The following NINL variants were observed in gnomAD, a reference collection of about 807,000 sequenced individuals.
NINL encodes the protein ninein like, also known as ninein-like protein.
A neutral mutation model predicts 160.3 loss-of-function variants in NINL; 153 were observed. The observed-to-expected ratio is 0.95, with a 90% CI of 0.84 to 1.09. The LOEUF is 1.09. NINL is among the 50% of genes least tolerant of loss of function. NINL has a pLI of 0.00. For synonymous variants in NINL, 800 were observed against 734.8 expected (o/e 1.09, Z -1.43); for missense variants, 1,829 against 1,764.0 (o/e 1.04, Z -0.66).
intron 13 of NINL, among the ~76,000 whole-genome samples, chr20:25,483,934 A>C (rs2063452363): frequency 6.6e-6 from 1 of 152,160 alleles, no homozygotes; most frequent in Admixed American, 6.5e-5. Flanking sequence ...GCTTCGACCT[A>C]GGAGACAGCA....
At chr20:25,462,327 T>G (rs2062809168) in intron 20 of NINL, 56 bp downstream of exon 20, 4 of 1,476,038 alleles carry the variant, frequency 2.7e-6, no homozygotes, top group Non-Finnish European at 3.7e-6. Flanking sequence ...TGCAGCCGCC[T>G]CCCCACCCTG....
intron 13 of NINL, among the ~76,000 whole-genome samples, chr20:25,487,746 T>C (rs1005004222): frequency 1.3e-5 from 2 of 152,246 alleles, no homozygotes; most frequent in African/African-American, 4.8e-5. Context: ...TCGACCCAAC[T>C]CAACTCTAGT....
intron 1 of NINL, among the ~76,000 whole-genome samples, chr20:25,561,016 G>GTCTCCC (rs1273680921): frequency 7.7e-6 from 1 of 129,996 alleles, no homozygotes; most frequent in African/African-American, 2.9e-5. Context: ...TCTTTCCACG[G>GTCTCCC]TCTCCCTCTC....
intron 13 of NINL, among the ~76,000 whole-genome samples, chr20:25,488,471 G>A (rs1284313786): frequency 1.3e-5 from 2 of 151,936 alleles, no homozygotes; most frequent in Non-Finnish European, 2.9e-5. Flanking sequence ...TGATCCACCC[G>A]CCTCGGCCTC....
chr20:25,507,329 C>T (rs1232300410), intron 5 of NINL, among the ~76,000 whole-genome samples: 4 of 152,074 alleles, frequency 2.6e-5, no homozygotes, highest in African/African-American at 9.7e-5. Context: ...GACTCATCAG[C>T]GGGCTCAGGT....
intron 3 of NINL, among the ~76,000 whole-genome samples, chr20:25,517,546 A>G (rs2064183092): frequency 6.6e-6 from 1 of 152,242 alleles, no homozygotes; most frequent in Non-Finnish European, 1.5e-5. Flanking sequence ...TGGCGGGCAC[A>G]GTGCACGTTA....
intron 1 of NINL, among the ~76,000 whole-genome samples, chr20:25,572,346 G>A (rs1036749750): frequency 1.3e-5 from 2 of 151,958 alleles, no homozygotes; most frequent in Non-Finnish European, 2.9e-5. Context: ...GCAGTGCTGG[G>A]GCCCACTCTC....
At position 25,526,459 on chromosome 20, in the gene NINL, C is replaced by G; in HGVS notation, c.129G>C (p.Gln43His). The G allele has an allele frequency of 6.2e-7, 1 of 1,614,098 alleles. No homozygotes were observed. The highest frequency in any genetic ancestry group is 8.5e-7 in the Non-Finnish European group (1 of 1,179,944). ...GCGTCTGCAGGAGGACGGGCAGCTG[C>G]TGCTCCAGGTGAAGCTTAAGGCAGA... is the stretch of plus-strand genomic sequence containing the variant. ...TQLCLKLHLE[Q>H]QLPVLLQTLL... Residue 43 changes from glutamine (Q) to histidine (H), a missense_variant, in exon 2 of 24, where the codon CAG (glutamine) becomes CAC (histidine). Gln to His is a conservative substitution (Grantham distance 24). Coordinates refer to ENST00000278886, the MANE Select transcript of NINL (RefSeq NM_025176.6).
Position 25,553,104 on chromosome 20 carries a change from G to GTTTTTTTTTTT in NINL, c.-11-26517_-11-26507dup, listed in dbSNP as rs3036846. Among the ~76,000 whole-genome samples the GTTTTTTTTTTT allele has an allele frequency of 8.2e-4, 82 of 100,102 alleles. 5 individuals carry two copies. Among genetic ancestry groups the GTTTTTTTTTTT allele is most frequent in the Non-Finnish European group, 1.2e-3 (65 of 53,404 alleles). The allele number at this position is 100,102 out of a possible 152,430, so 65.7% of individuals were successfully genotyped here. On this transcript the variant is annotated intron_variant, in intron 1 of 23. Coordinates refer to ENST00000278886, the MANE Select transcript of NINL (RefSeq NM_025176.6). ...GGAAGTTACTTCTCACCCTTGTTGG[G>GTTTTTTTTTTT]TTTTTTTTTTTTTTTTTGGAGATGG...
chr20:25,458,504 C>T lies in NINL; in HGVS notation c.3722G>A (p.Arg1241Lys). The change falls in exon 22 of 24, where the codon AGG becomes AAG. Residue 1241 changes from arginine (R) to lysine (K), a missense_variant. Transcript: ENST00000278886. The stretch of plus-strand genomic sequence containing the variant: ...CTGCAAGTGCTGGGCCTGGGCCTGC[C>T]TCAGCCTCAGGTGAGCTCCCTGCAC... ...DQVQGAHLRL[R>K]QAQAQHLQEV... 3 of 1,599,922 alleles carry T rather than the reference C, an allele frequency of 1.9e-6. No individual in the cohort carries two copies. Among genetic ancestry groups the T allele is most frequent in the Non-Finnish European group, 2.5e-6 (3 of 1,179,310 alleles).
intron 1 of NINL, among the ~76,000 whole-genome samples, chr20:25,557,452 AC>A (rs1454790881): frequency 6.6e-6 from 1 of 151,750 alleles, no homozygotes; most frequent in East Asian, 1.9e-4. Flanking sequence ...AATTTCTTGA[AC>A]CCAGGAGGCG....
intron 10 of NINL, among the ~76,000 whole-genome samples, chr20:25,496,451 G>T (rs2063754202): frequency 2.0e-5 from 3 of 152,236 alleles, no homozygotes; most frequent in African/African-American, 7.2e-5. Flanking sequence ...ACGTAGCCAG[G>T]GCCAGGCACT....
intron 21 of NINL, among the ~76,000 whole-genome samples, chr20:25,459,198 G>C (rs560097544): frequency 6.6e-6 from 1 of 152,222 alleles, no homozygotes; most frequent in Non-Finnish European, 1.5e-5. Flanking sequence ...CCCCAAGACG[G>C]AGTGGGAATC....
chr20:25,463,608 T>C (rs2062842577), intron 19 of NINL, among the ~76,000 whole-genome samples: 2 of 152,216 alleles, frequency 1.3e-5, no homozygotes, highest in Admixed American at 1.3e-4. Flanking sequence ...AACATCTTCA[T>C]GCAACCATAT....
Position 25,546,761 on chromosome 20 carries a change from C to T in NINL, c.-11-20163G>A, listed in dbSNP as rs1349538661. Among the ~76,000 whole-genome samples the T allele has an allele frequency of 3.9e-5, 6 of 151,978 alleles. No individual in the cohort carries two copies. The East Asian group carries it at 1.2e-3, about 29-fold the overall frequency. ...TCCACTGTGCTCATCGGGAGAGATA[C>T]AAACCCCACCGAGAGAGAGGACTTT... On this transcript the variant is annotated intron_variant, in intron 1 of 23. Transcript: ENST00000278886.
rs1433858698 is a variant in NINL at position 25,456,461 on chromosome 20, T to C, written c.3844-675A>G. On this transcript the variant is annotated intron_variant, in intron 22 of 23. Transcript: ENST00000278886. The stretch of plus-strand genomic sequence containing the variant: ...TACTCGGGAGGCCGAGGCAGAATAA[T>C]TGCTTGAACCCAGGAGGCGGAGGTT... 7.2e-5 allele frequency among the ~76,000 whole-genome samples: 11 copies of C among 151,806 alleles called. No homozygotes were observed. In the East Asian group the frequency reaches 1.9e-3, roughly 27 times the overall value.
intron 17 of NINL, among the ~76,000 whole-genome samples, chr20:25,475,236 G>A (rs918080462): frequency 7.3e-5 from 11 of 151,678 alleles, no homozygotes; most frequent in East Asian, 2.0e-4. Flanking sequence ...GCCACACAGC[G>A]AGACTCTGTC....
At chr20:25,542,970 G>A (rs2064687547) in intron 1 of NINL, among the ~76,000 whole-genome samples, 1 of 149,746 alleles carries the variant, frequency 6.7e-6, no homozygotes, top group Non-Finnish European at 1.5e-5. Flanking sequence ...AACCTGGGAG[G>A]TGGAGGCTGC....
chr20:25,522,394 G>T (rs1210284164), intron 2 of NINL, among the ~76,000 whole-genome samples: 1 of 152,128 alleles, frequency 6.6e-6, no homozygotes, highest in Non-Finnish European at 1.5e-5. Flanking sequence ...GCTGCAAAAA[G>T]ATTTCAACAA....
Sources: allele counts gnomAD v4.1 joint callset (sites outside exome capture counted in the v4.1 genomes callset), GRCh38; gene constraint gnomAD v4.1.1; transcripts MANE v1.5; gene names NCBI Gene and HGNC (gene_info 2026-07-23, HGNC 2026-07-21).